PHKB: variants seen among roughly 807,000 people sequenced by gnomAD.
PHKB encodes phosphorylase b kinase regulatory subunit beta.
Under a neutral mutation model 152.1 loss-of-function variants are expected in PHKB, and 122 were observed. The observed-to-expected ratio is 0.80, with a 90% confidence interval of 0.69 to 0.93. PHKB has a LOEUF of 0.93. Ranked by LOEUF, PHKB falls within the 40% of genes least tolerant of loss-of-function variation. PHKB has a pLI of 0.00. For missense variants in PHKB, 1,304 were observed against 1,328.4 expected, an observed-to-expected ratio of 0.98 and a Z score of 0.29; for synonymous variants, 436 against 464.9, an observed-to-expected ratio of 0.94 and a Z score of 0.80.
In PHKB at chr16:47,693,496, C is replaced by T; in HGVS notation, c.2884C>T (p.His962Tyr). ...TPNGIIVAGK[H>Y]LPQQPTLSDM... ...CAATGGGATCATTGTTGCTGGGAAG[C>T]ATTTGCCTCAGGTAAAGCCCCACCA... Residue 962 changes from histidine (H) to tyrosine (Y), a missense_variant, in exon 28 of 31, where the codon CAT (histidine) becomes TAT (tyrosine). Transcript: ENST00000323584. 1 of 1,614,018 alleles carries T rather than the reference C, an allele frequency of 6.2e-7. No homozygotes were observed. The highest frequency in any genetic ancestry group is 8.5e-7 in the Non-Finnish European group (1 of 1,179,978).
intron 13 of PHKB, among the ~76,000 whole-genome samples, chr16:47,599,363 TA>T (rs1241051545): frequency 6.6e-6 from 1 of 152,144 alleles, no homozygotes; most frequent in East Asian, 1.9e-4. Flanking sequence ...TTAGTACAAC[TA>T]GAAAGAATGT....
chr16:47,587,697 T>A lies in PHKB; in HGVS notation c.804T>A (p.Asp268Glu), dbSNP rs777691543. Residue 268 changes from aspartate to glutamate, a missense_variant, in exon 9 of 31, where the codon GAT becomes GAA. Asp to Glu is a conservative substitution (Grantham distance 45). Coordinates refer to ENST00000323584, the MANE Select transcript of PHKB (RefSeq NM_000293.3). ...QGCSWSVIFVDLDAHNRNRQT... is the reference protein window; with the variant it reads ...QGCSWSVIFVELDAHNRNRQT... ...GTTCGTGGTCAGTTATATTTGTGGA[T>A]CTCGATGCTCACAATCGCAACAGGC... The A allele has an allele frequency of 2.5e-6, 4 of 1,613,836 alleles. No homozygotes were observed. The highest frequency in any genetic ancestry group is 3.4e-6 in the Non-Finnish European group (4 of 1,179,740).
At position 47,461,380 on chromosome 16, in the gene PHKB, A is replaced by C. The variant is rs760502380; in HGVS notation, c.30A>C (p.Glu10Asp). ...CGGGGGCGGCGGGACTCACGGCAGA[A>C]GTGAGCTGGAAGGTCTTGGAGCGAA... Reference protein sequence around the residue: MAGAAGLTAEVSWKVLERRA... With the variant: MAGAAGLTADVSWKVLERRA... Residue 10 changes from glutamate to aspartate, a missense_variant, in exon 1 of 31, where the codon GAA (glutamate) becomes GAC (aspartate). Transcript: ENST00000323584. The C allele has an allele frequency of 3.6e-5, 58 of 1,612,844 alleles. No individual in the cohort carries two copies. The East Asian group carries it at 1.2e-3, about 35-fold the overall frequency.
intron 6 of PHKB, among the ~76,000 whole-genome samples, chr16:47,544,527 A>G (rs1044392588): frequency 3.9e-5 from 6 of 152,206 alleles, no homozygotes; most frequent in African/African-American, 1.4e-4. Flanking sequence ...CAATTTTGTA[A>G]TAAGTGCGAT....
Position 47,699,685 on chromosome 16 carries a change from CT to C in PHKB, c.*322del. The C allele has an allele frequency of 2.7e-6, 1 of 370,542 alleles. No homozygotes were observed. The highest frequency in any genetic ancestry group is 5.1e-6 in the Non-Finnish European group (1 of 194,874). 23.0% of individuals were successfully genotyped at this position (370,542 alleles called of 1,614,324 possible). On this transcript the variant is annotated 3_prime_UTR_variant, in exon 31 of 31. Coordinates refer to ENST00000323584, the MANE Select transcript of PHKB (RefSeq NM_000293.3). Reference sequence around the variant, plus strand: ...GATCAAATAGTTCATCAAAATGAATCTTTGCTCTTTGGACTGAATTCTTACC... The same window carrying C: ...GATCAAATAGTTCATCAAAATGAATCTTGCTCTTTGGACTGAATTCTTACC...
At chr16:47,638,702 C>G (rs1972963750) in intron 14 of PHKB, among the ~76,000 whole-genome samples, 1 of 152,220 alleles carries the variant, frequency 6.6e-6, no homozygotes, top group Non-Finnish European at 1.5e-5. Flanking sequence ...GTAGACTGAA[C>G]TCCTCAAGGA....
Position 47,660,760 on chromosome 16 carries a change from G to A in PHKB, c.2137G>A (p.Asp713Asn). Residue 713 changes from aspartate to asparagine, a missense_variant, in exon 22 of 31, where the codon GAT (aspartate) becomes AAT (asparagine). Asp to Asn is a conservative substitution (Grantham distance 23, BLOSUM62 1). Coordinates refer to ENST00000323584, the MANE Select transcript of PHKB (RefSeq NM_000293.3). Reference sequence around the variant, plus strand: ...TGCTCCTGAACTGGGACAGCAGCCGGATGTCAACATTAGTGAATGGAAGGA... The same window carrying A: ...TGCTCCTGAACTGGGACAGCAGCCGAATGTCAACATTAGTGAATGGAAGGA... ...PSAPELGQQP[D>N]VNISEWKDKP... 5 of 1,614,092 alleles carry A rather than the reference G, an allele frequency of 3.1e-6. No individual in the cohort carries two copies. Among genetic ancestry groups the A allele is most frequent in the Non-Finnish European group, 3.4e-6 (4 of 1,179,992 alleles).
At position 47,693,121 on chromosome 16, in the gene PHKB, G is replaced by C. The variant is rs930781; in HGVS notation, c.2766-257G>C. On this transcript the variant is annotated intron_variant, in intron 27 of 30. Coordinates refer to ENST00000323584, the MANE Select transcript of PHKB (RefSeq NM_000293.3). ...TGAAAATCATTTGAGCATGTAGTAAGCAATTCATAGCTTACTTACAGGATA... is the reference window on the plus strand; with the variant it reads ...TGAAAATCATTTGAGCATGTAGTAACCAATTCATAGCTTACTTACAGGATA... Among the ~76,000 whole-genome samples, 2,517 of 152,270 alleles carry C rather than the reference G, an allele frequency of 0.017. 70 individuals carry two copies. The highest frequency in any genetic ancestry group is 0.056 in the African/African-American group (2,335 of 41,550).
chr16:47,509,909 C>T (rs1970480966), intron 4 of PHKB, among the ~76,000 whole-genome samples: 1 of 152,190 alleles, frequency 6.6e-6, no homozygotes, highest in African/African-American at 2.4e-5. Context: ...CAAGACTACC[C>T]CCGGCTTCCG....
At chr16:47,478,954 T>C (rs759855492) in intron 1 of PHKB, among the ~76,000 whole-genome samples, 4 of 152,200 alleles carry the variant, frequency 2.6e-5, no homozygotes, top group Non-Finnish European at 4.4e-5. Flanking sequence ...ATCAGATCCC[T>C]GAATAGAGTC....
chr16:47,652,728 G>A (rs1297410463), intron 20 of PHKB, among the ~76,000 whole-genome samples: 2 of 151,830 alleles, frequency 1.3e-5, no homozygotes, highest in African/African-American at 4.8e-5. Flanking sequence ...CTGCTCCCTC[G>A]ACCACCTAAG....
At chr16:47,653,990 C>A (rs184089453) in intron 20 of PHKB, among the ~76,000 whole-genome samples, 1 of 152,214 alleles carries the variant, frequency 6.6e-6, no homozygotes, top group East Asian at 1.9e-4. Flanking sequence ...AAAGCTATAC[C>A]TTTGACTAAA....
In PHKB at chr16:47,698,559, C is replaced by G; in HGVS notation, c.3115C>G (p.Gln1039Glu). The G allele has an allele frequency of 6.4e-7, 1 of 1,567,138 alleles. No homozygotes were observed. The highest frequency in any genetic ancestry group is 1.1e-5 in the South Asian group (1 of 90,006). ...AGCATTTAATGAATTTCAAAAAGAT[C>G]AGAGTCGGCTAAAGGAAATTGAAAA... ...KEAFNEFQKD[Q>E]SRLKEIEKQD... The change falls in exon 30 of 31, where the codon CAG becomes GAG. Residue 1039 changes from glutamine to glutamate, a missense_variant. Gln to Glu is a conservative substitution (Grantham distance 29). Transcript: ENST00000323584.
chr16:47,514,801 G>A (rs552026663), intron 5 of PHKB, among the ~76,000 whole-genome samples: 9 of 152,248 alleles, frequency 5.9e-5, no homozygotes, highest in African/African-American at 2.2e-4. Flanking sequence ...TCAGGATTCT[G>A]TGAGTATCCT....
chr16:47,537,591 C>T (rs1478303964), intron 6 of PHKB, among the ~76,000 whole-genome samples: 3 of 152,172 alleles, frequency 2.0e-5, no homozygotes, highest in African/African-American at 7.2e-5. Context: ...CTTGGGCCTA[C>T]TGCAGGAGCT....
chr16:47,567,041 TTC>T (rs145027802), intron 7 of PHKB, among the ~76,000 whole-genome samples: 1,641 of 152,340 alleles, frequency 0.011, 33 homozygotes, highest in African/African-American at 0.037. Context: ...TCCAGATTTC[TTC>T]TTTTTGCTTT....
chr16:47,621,777 C>A (rs911714289), intron 14 of PHKB, among the ~76,000 whole-genome samples: 1 of 152,108 alleles, frequency 6.6e-6, no homozygotes, highest in South Asian at 2.1e-4. Context: ...ATGCCACAGC[C>A]GCACAGAGTT....
chr16:47,574,265 G>C (rs1308284284), intron 7 of PHKB, among the ~76,000 whole-genome samples: 1 of 152,194 alleles, frequency 6.6e-6, no homozygotes, highest in African/African-American at 2.4e-5. Flanking sequence ...TGGTAGGGTT[G>C]AGACATTCCC....
At chr16:47,468,014 A>G (rs1969698871) in intron 1 of PHKB, among the ~76,000 whole-genome samples, 1 of 152,200 alleles carries the variant, frequency 6.6e-6, no homozygotes, top group South Asian at 2.1e-4. Flanking sequence ...TCTTCCTTAA[A>G]TATACTTCAT....
Sources: allele counts gnomAD v4.1 joint callset (sites outside exome capture counted in the v4.1 genomes callset), GRCh38; gene constraint gnomAD v4.1.1; transcripts MANE v1.5; gene names NCBI Gene and HGNC (gene_info 2026-07-23, HGNC 2026-07-21).